VIPAS39: variants seen among roughly 807,000 people sequenced by gnomAD.
VIPAS39 encodes spermatogenesis-defective protein 39 homolog.
Under a neutral mutation model 84.7 loss-of-function variants are expected in VIPAS39, and 63 were observed. The observed-to-expected ratio is 0.74, with a 90% confidence interval of 0.61 to 0.92. The LOEUF (loss-of-function observed/expected upper bound fraction) is 0.92, where lower values mean the gene tolerates loss of function less well. VIPAS39 is among the 40% of genes least tolerant of loss of function. The probability of loss-of-function intolerance (pLI) is 0.00; values close to 1 mark genes in which losing one functional copy is unlikely to be tolerated. For synonymous variants in VIPAS39, 192 were observed against 216.5 expected (o/e 0.89, Z 0.99); for missense variants, 499 against 604.5 (o/e 0.83, Z 1.83).
At chr14:77,456,447 ACT>A (rs1207234608) in intron 1 of VIPAS39, among the ~76,000 whole-genome samples, 2 of 152,154 alleles carry the variant, frequency 1.3e-5, no homozygotes, top group East Asian at 3.9e-4. Flanking sequence ...TTCATAAATC[ACT>A]CTGTCATTCG....
At chr14:77,431,098 T>G (rs2078515489) in intron 16 of VIPAS39, among the ~76,000 whole-genome samples, 1 of 152,046 alleles carries the variant, frequency 6.6e-6, no homozygotes, top group Non-Finnish European at 1.5e-5. Context: ...GAAGAAAACA[T>G]GGGAAAAAGC....
intron 8 of VIPAS39, 122 bp from the exon 9 acceptor site, chr14:77,443,274 T>C (rs1422200252): frequency 8.3e-7 from 1 of 1,200,698 alleles, no homozygotes. Flanking sequence ...CAGCTCTGTA[T>C]GTGATGCAAG....
At chr14:77,442,414 G>A (rs2078716918) in intron 10 of VIPAS39, 146 bp downstream of exon 10, 1 of 766,062 alleles carries the variant, frequency 1.3e-6, no homozygotes, top group Non-Finnish European at 2.3e-6. Context: ...ATGCTGTACT[G>A]CTAGTTATCC....
intron 11 of VIPAS39, among the ~76,000 whole-genome samples, chr14:77,439,085 C>G (rs956840224): frequency 6.6e-6 from 1 of 152,134 alleles, no homozygotes; most frequent in African/African-American, 2.4e-5. Flanking sequence ...AAGAAAAGTT[C>G]TACATGGGAA....
chr14:77,437,517 G>A (rs2078632187), intron 12 of VIPAS39, among the ~76,000 whole-genome samples: 1 of 152,022 alleles, frequency 6.6e-6, no homozygotes, highest in South Asian at 2.1e-4. Flanking sequence ...AGAGAAGAGT[G>A]AGGACAAAAT....
At chr14:77,438,037 T>A (rs1341683160) in intron 11 of VIPAS39, among the ~76,000 whole-genome samples, 156 bp from the exon 12 acceptor site, 1 of 152,166 alleles carries the variant, frequency 6.6e-6, no homozygotes, top group East Asian at 1.9e-4. Flanking sequence ...AAAGAGTGAC[T>A]AAGTATCATT....
chr14:77,457,296 C>G, intron 1 of VIPAS39, 199 bp downstream of exon 1: 1 of 1,535,670 alleles, frequency 6.5e-7, no homozygotes, highest in Non-Finnish European at 8.7e-7. Flanking sequence ...TGTCCGCTTC[C>G]GAACCAATCG....
intron 16 of VIPAS39, among the ~76,000 whole-genome samples, chr14:77,430,397 T>C (rs2078502555): frequency 2.0e-5 from 3 of 152,214 alleles, no homozygotes; most frequent in African/African-American, 7.2e-5. Context: ...AGATCCCACA[T>C]AGCCAAAGCA....
chr14:77,448,513 C>T lies in VIPAS39; in HGVS notation c.485G>A (p.Arg162Gln), dbSNP rs144078420. The T allele has an allele frequency of 1.5e-5, 24 of 1,614,026 alleles. No homozygotes were observed. Among genetic ancestry groups the T allele is most frequent in the Middle Eastern group, 1.6e-4 (1 of 6,084 alleles). Reference sequence around the variant, plus strand: ...CCTTACCTTGCCCTTCCGGAGACGTCGCACTGTATCACTGGGGCTCCAGTC... The same window carrying T: ...CCTTACCTTGCCCTTCCGGAGACGTTGCACTGTATCACTGGGGCTCCAGTC... ...SNDWSPSDTV[R>Q]RLRKGKVCSL... The change falls in exon 7 of 20, where the codon CGA becomes CAA. Residue 162 changes from arginine (R) to glutamine (Q), a missense_variant. Transcript: ENST00000557658.
Position 77,427,505 on chromosome 14 carries a change from G to A in VIPAS39, c.*111C>T, listed in dbSNP as rs2078448306. ...TCAAGAGTAGCTGGCACTGCCCATG[G>A]GTAATGGGCCCAAGCGATGTGATGC... On this transcript the variant is annotated 3_prime_UTR_variant, in exon 20 of 20. Transcript: ENST00000557658. 2.2e-6 allele frequency: 3 copies of A among 1,344,068 alleles called. No homozygotes were observed. The highest frequency in any genetic ancestry group is 3.2e-6 in the Non-Finnish European group (3 of 937,320). 83.3% of individuals were successfully genotyped at this position (1,344,068 alleles called of 1,614,324 possible).
Position 77,457,562 on chromosome 14 carries a change from A to G in VIPAS39, c.-68T>C, listed in dbSNP as rs1018177016. 44 of 631,148 alleles carry G rather than the reference A, an allele frequency of 7.0e-5. No homozygotes were observed. Among genetic ancestry groups the G allele is most frequent in the Non-Finnish European group, 1.6e-5 (6 of 364,294 alleles). The allele number at this position is 631,148 out of a possible 1,614,324, so 39.1% of individuals were successfully genotyped here. A position where few individuals can be genotyped will look rare whatever the true frequency, so the allele number is the denominator to read the frequency against. On this transcript the variant is annotated 5_prime_UTR_variant, in exon 1 of 20. Transcript: ENST00000557658. ...CCGCCGCCGCTGGACCAGCCCTTCT[A>G]TTCAGGCTGTGCAGCTTAGAGAAGG...
At chr14:77,428,864 A>G in intron 18 of VIPAS39, 142 bp downstream of exon 18, 1 of 758,564 alleles carries the variant, frequency 1.3e-6, no homozygotes, top group Non-Finnish European at 2.3e-6. Context: ...CTGGTCTCCA[A>G]ACAAACTCTT....
intron 10 of VIPAS39, 177 bp from the exon 11 acceptor site, chr14:77,441,270 A>C (rs2078699491): frequency 4.4e-6 from 3 of 680,920 alleles, no homozygotes; most frequent in Non-Finnish European, 7.6e-6. Flanking sequence ...CTGAACAAAA[A>C]GCAAGGACAA....
At chr14:77,447,694 CTT>C (rs969897140) in intron 7 of VIPAS39, among the ~76,000 whole-genome samples, 3 of 152,182 alleles carry the variant, frequency 2.0e-5, no homozygotes, top group Non-Finnish European at 4.4e-5. Flanking sequence ...GAGTTTCACT[CTT>C]GTTGCCCAGG....
chr14:77,435,894 C>A lies in VIPAS39; in HGVS notation c.862G>T (p.Ala288Ser), dbSNP rs201751103. ...VGLPFSAEDS[A>S]HIQDHYTLLE... is the part of the protein sequence containing the mutation. ...AGCGTGTAATGGTCCTGTATGTGTG[C>A]GGAATCTTCTGCTGAAAATGGCAAA... Residue 288 changes from alanine to serine, a missense_variant, in exon 13 of 20, where the codon GCA (alanine) becomes TCA (serine). By Grantham distance (99) the Ala-to-Ser change is moderately conservative. Transcript: ENST00000557658. 2.5e-6 allele frequency: 4 copies of A among 1,614,074 alleles called. No individual in the cohort carries two copies. Among genetic ancestry groups the A allele is most frequent in the African/African-American group, 2.7e-5 (2 of 75,016 alleles).
chr14:77,428,612 G>A (rs1242929867), intron 18 of VIPAS39, 138 bp from the exon 19 acceptor site: 3 of 744,674 alleles, frequency 4.0e-6, no homozygotes, highest in Non-Finnish European at 7.1e-6. Context: ...ACTGGTGTGT[G>A]CTACTGTGTA....
chr14:77,428,545 C>T (rs2078468136), intron 18 of VIPAS39, 71 bp from the exon 19 acceptor site: 1 of 1,351,774 alleles, frequency 7.4e-7, no homozygotes, highest in Admixed American at 1.8e-5. Context: ...CCAGGATGGT[C>T]TCAAACTCCT....
At chr14:77,439,810 T>G (rs746273230) in intron 11 of VIPAS39, among the ~76,000 whole-genome samples, 1 of 152,028 alleles carries the variant, frequency 6.6e-6, no homozygotes, top group Non-Finnish European at 1.5e-5. Context: ...GTATTATATA[T>G]ATAATTATGC....
In VIPAS39 at chr14:77,445,996, C is replaced by T. The variant is rs1036009264; in HGVS notation, c.505-1655G>A. Among the ~76,000 whole-genome samples, 14 of 150,590 alleles carry T rather than the reference C, an allele frequency of 9.3e-5. No individual in the cohort carries two copies. In the East Asian group the frequency reaches 1.2e-3, roughly 13 times the overall value. ...CTGGATGAAAGTCCTTTATAATATA[C>T]GTGTTTTGAAACTACTTTCTCTGAG... is the stretch of plus-strand genomic sequence containing the variant. On this transcript the variant is annotated intron_variant, in intron 7 of 19. Transcript: ENST00000557658.
Sources: gnomAD v4.1 joint callset for allele counts (sites outside exome capture counted in the v4.1 genomes callset) on GRCh38, gnomAD v4.1.1 for gene constraint, MANE v1.5 for transcripts, NCBI Gene and HGNC (gene_info 2026-07-23, HGNC 2026-07-21) for gene names.